Variants in MDGA2 observed in about 807,000 individuals in gnomAD.
MDGA2 encodes the protein MAM domain containing glycosylphosphatidylinositol anchor 2.
MDGA2 carries 40 observed loss-of-function variants against 117.8 expected under a neutral mutation model. The ratio of observed to expected loss-of-function variants is 0.34; its 90% CI spans 0.26 to 0.44. The LOEUF (loss-of-function observed/expected upper bound fraction) is 0.44, where lower values mean the gene tolerates loss of function less well. Among genes scored for constraint, MDGA2 ranks in the 20% least tolerant of loss-of-function variants. The probability of loss-of-function intolerance (pLI) is 1.00; values close to 1 mark genes in which losing one functional copy is unlikely to be tolerated. For synonymous variants in MDGA2, 452 were observed against 439.0 expected, an observed-to-expected ratio of 1.03 and a Z score of -0.37; for missense variants, 1,123 against 1,250.6, an observed-to-expected ratio of 0.90 and a Z score of 1.54.
chr14:47,558,869 T>C (rs1362262419), intron 1 of MDGA2, among the ~76,000 whole-genome samples: 1 of 152,188 alleles, frequency 6.6e-6, no homozygotes, highest in Non-Finnish European at 1.5e-5. Flanking sequence ...TTTTCTATCA[T>C]TCCTGTTTGA....
intron 1 of MDGA2, among the ~76,000 whole-genome samples, chr14:47,351,082 T>C (rs887125286): frequency 6.7e-6 from 1 of 149,506 alleles, no homozygotes; most frequent in Admixed American, 6.7e-5. Context: ...CGGCTAATTT[T>C]TTTTTTTTTT....
At chr14:47,404,214 C>T (rs1267160776) in intron 1 of MDGA2, among the ~76,000 whole-genome samples, 2 of 149,422 alleles carry the variant, frequency 1.3e-5, no homozygotes, top group Admixed American at 6.7e-5. Flanking sequence ...AAGACAGGGT[C>T]TCGCTCTTTC....
chr14:47,311,745 T>A (rs1369881654), intron 1 of MDGA2, among the ~76,000 whole-genome samples: 3 of 152,148 alleles, frequency 2.0e-5, no homozygotes, highest in Non-Finnish European at 4.4e-5. Context: ...GTTTTTTATT[T>A]CCATTTGAAC....
At chr14:47,154,920 T>G (rs1883307204) in intron 3 of MDGA2, among the ~76,000 whole-genome samples, 1 of 152,154 alleles carries the variant, frequency 6.6e-6, no homozygotes, top group African/African-American at 2.4e-5. Context: ...AAGTGAGAAC[T>G]TATGGTGCTT....
intron 7 of MDGA2, among the ~76,000 whole-genome samples, chr14:47,049,821 T>C (rs923186567): frequency 6.6e-5 from 10 of 152,072 alleles, no homozygotes; most frequent in Non-Finnish European, 1.5e-5. Flanking sequence ...ACCTATAAAA[T>C]TTGGGAAATT....
chr14:47,212,973 T>G (rs1048887709), intron 3 of MDGA2, among the ~76,000 whole-genome samples: 28 of 152,166 alleles, frequency 1.8e-4, no homozygotes, highest in Non-Finnish European at 8.8e-5. Flanking sequence ...AAGCTTCTAT[T>G]GTCGTGCTGC....
At chr14:47,540,204 G>A (rs1326135628) in intron 1 of MDGA2, among the ~76,000 whole-genome samples, 12 of 151,942 alleles carry the variant, frequency 7.9e-5, no homozygotes, top group African/African-American at 2.7e-4. Context: ...TGGTAGAGAC[G>A]GGGTTTCACC....
intron 1 of MDGA2, among the ~76,000 whole-genome samples, chr14:47,604,979 GT>G (rs908506504): frequency 4.0e-5 from 6 of 151,076 alleles, no homozygotes; most frequent in African/African-American, 9.8e-5. Context: ...CAAATTCATG[GT>G]TTTTTTTTAA....
In MDGA2 at chr14:47,436,689, G is replaced by A. The variant is rs548621444; in HGVS notation, c.281-135139C>T. On this transcript the variant is annotated intron_variant, in intron 1 of 16. Transcript: ENST00000399232. ...CACTAATACTAAAGATAGCTGATGA[G>A]GTAAAAAAATCACAAAAACATTTTT... is the stretch of plus-strand genomic sequence containing the variant. 2.0e-5 allele frequency among the ~76,000 whole-genome samples: 3 copies of A among 152,116 alleles called. No individual in the cohort carries two copies. In the South Asian group the frequency reaches 6.2e-4, roughly 32 times the overall value.
At chr14:47,093,424 GA>G (rs1238582654) in intron 6 of MDGA2, among the ~76,000 whole-genome samples, 1 of 152,076 alleles carries the variant, frequency 6.6e-6, no homozygotes, top group Non-Finnish European at 1.5e-5. Flanking sequence ...AACGAATCAT[GA>G]AAACAGAGAC....
At chr14:47,280,700 G>A (rs1213133562) in intron 2 of MDGA2, among the ~76,000 whole-genome samples, 1 of 151,702 alleles carries the variant, frequency 6.6e-6, no homozygotes, top group Non-Finnish European at 1.5e-5. Context: ...ATTGTAAACC[G>A]ACTCAAAAGT....
At chr14:47,072,729 C>T (rs538655723) in intron 6 of MDGA2, among the ~76,000 whole-genome samples, 2 of 152,182 alleles carry the variant, frequency 1.3e-5, no homozygotes, top group South Asian at 2.1e-4. Context: ...GATATACTCT[C>T]GGGTTTGAGA....
At chr14:46,867,055 G>T (rs1450749337) in intron 14 of MDGA2, among the ~76,000 whole-genome samples, 2 of 152,090 alleles carry the variant, frequency 1.3e-5, no homozygotes, top group African/African-American at 4.8e-5. Flanking sequence ...TATACTCAAA[G>T]GACTATAAAT....
At chr14:46,962,667 C>G (rs1445051812) in intron 8 of MDGA2, among the ~76,000 whole-genome samples, 1 of 152,066 alleles carries the variant, frequency 6.6e-6, no homozygotes, top group African/African-American at 2.4e-5. Context: ...AGAGATTTTA[C>G]ATAATATTTT....
intron 1 of MDGA2, among the ~76,000 whole-genome samples, chr14:47,323,397 A>G (rs1039338875): frequency 1.9e-4 from 29 of 151,562 alleles, no homozygotes; most frequent in African/African-American, 6.8e-4. Flanking sequence ...AGGCCGAGGC[A>G]GGAAGATCAC....
intron 7 of MDGA2, among the ~76,000 whole-genome samples, chr14:47,037,040 A>G (rs890846567): frequency 1.3e-5 from 2 of 152,238 alleles, no homozygotes; most frequent in African/African-American, 4.8e-5. Flanking sequence ...CCAAATGGGT[A>G]ATTTGTTCTG....
At chr14:47,524,110 C>T (rs1248567435) in intron 1 of MDGA2, among the ~76,000 whole-genome samples, 1 of 152,046 alleles carries the variant, frequency 6.6e-6, no homozygotes, top group East Asian at 1.9e-4. Flanking sequence ...TTAAAATAGA[C>T]TTTAGTATGA....
At chr14:47,601,742 A>G (rs534977900) in intron 1 of MDGA2, among the ~76,000 whole-genome samples, 3 of 152,198 alleles carry the variant, frequency 2.0e-5, no homozygotes. Flanking sequence ...AGACAAGGTC[A>G]AAGGGTCATG....
At chr14:47,092,018 T>A (rs1879686422) in intron 6 of MDGA2, among the ~76,000 whole-genome samples, 1 of 152,162 alleles carries the variant, frequency 6.6e-6, no homozygotes, top group Admixed American at 6.6e-5. Flanking sequence ...TTTGAGTAAT[T>A]ACATGTATGG....
Sources: gnomAD v4.1 joint callset for allele counts (sites outside exome capture counted in the v4.1 genomes callset) on GRCh38, gnomAD v4.1.1 for gene constraint, MANE v1.5 for transcripts, NCBI Gene and HGNC (gene_info 2026-07-23, HGNC 2026-07-21) for gene names.